Variants in DGKI observed in about 807,000 individuals in gnomAD.
DGKI encodes the protein DAG kinase iota.
DGKI carries 55 observed loss-of-function variants against 147.5 expected under a neutral mutation model. The ratio of observed to expected loss-of-function variants is 0.37; its 90% CI spans 0.30 to 0.47. The LOEUF (loss-of-function observed/expected upper bound fraction) is 0.47. DGKI is among the 20% of genes least tolerant of loss of function. The probability of loss-of-function intolerance (pLI) is 1.00; values close to 1 mark genes in which losing one functional copy is unlikely to be tolerated. For missense variants in DGKI, 1,007 were observed against 1,323.8 expected (o/e 0.76, Z 3.71); for synonymous variants, 469 against 477.1 (o/e 0.98, Z 0.22).
At chr7:137,500,115 C>A (rs945464113) in intron 21 of DGKI, among the ~76,000 whole-genome samples, 1 of 152,172 alleles carries the variant, frequency 6.6e-6, no homozygotes, top group Admixed American at 6.5e-5. Flanking sequence ...GTAATAGGAA[C>A]TACACTGTGG....
intron 19 of DGKI, among the ~76,000 whole-genome samples, chr7:137,567,161 G>A (rs1818614398): frequency 6.6e-6 from 1 of 151,590 alleles, no homozygotes. Flanking sequence ...CTACTTGGGG[G>A]GCTAAGGCAG....
intron 5 of DGKI, among the ~76,000 whole-genome samples, chr7:137,646,121 AAAC>A (rs964828542): frequency 1.3e-5 from 2 of 152,364 alleles, no homozygotes; most frequent in African/African-American, 4.8e-5. Flanking sequence ...GGAGAAGCTG[AAAC>A]AACAATATCC....
At chr7:137,473,318 G>A (rs573914145) in intron 23 of DGKI, among the ~76,000 whole-genome samples, 1 of 152,220 alleles carries the variant, frequency 6.6e-6, no homozygotes, top group Non-Finnish European at 1.5e-5. Flanking sequence ...TTTGTTTGGT[G>A]AAAACACATG....
intron 19 of DGKI, among the ~76,000 whole-genome samples, chr7:137,566,366 G>GA (rs1325848123): frequency 3.3e-5 from 5 of 149,712 alleles, no homozygotes; most frequent in East Asian, 2.0e-4. Flanking sequence ...CATCCTGAAT[G>GA]AAAAAAAAAT....
intron 7 of DGKI, among the ~76,000 whole-genome samples, chr7:137,622,081 G>A (rs932430429): frequency 6.6e-6 from 1 of 151,600 alleles, no homozygotes; most frequent in Non-Finnish European, 1.5e-5. Flanking sequence ...CTAACTGAAA[G>A]TAAATGAAAA....
At chr7:137,712,516 T>C (rs998214265) in intron 1 of DGKI, among the ~76,000 whole-genome samples, 1 of 152,172 alleles carries the variant, frequency 6.6e-6, no homozygotes. Flanking sequence ...AATAGAAAGA[T>C]ATGTAAGCCT....
chr7:137,404,239 A>C (rs1310223808), intron 30 of DGKI, among the ~76,000 whole-genome samples: 1 of 152,238 alleles, frequency 6.6e-6, no homozygotes, highest in Non-Finnish European at 1.5e-5. Flanking sequence ...TCAGCAACTA[A>C]AGATATTAAA....
chr7:137,596,619 T>C (rs1819807274), intron 12 of DGKI, among the ~76,000 whole-genome samples: 1 of 152,228 alleles, frequency 6.6e-6, no homozygotes, highest in Non-Finnish European at 1.5e-5. Context: ...GCTTCTTTGC[T>C]GTAAGACATT....
At chr7:137,683,965 G>C (rs575511398) in intron 2 of DGKI, among the ~76,000 whole-genome samples, 1 of 152,180 alleles carries the variant, frequency 6.6e-6, no homozygotes, top group Non-Finnish European at 1.5e-5. Flanking sequence ...GTGAGTGTTT[G>C]AGACTGAATA....
chr7:137,600,197 C>T (rs1319898092), intron 10 of DGKI, among the ~76,000 whole-genome samples: 2 of 151,282 alleles, frequency 1.3e-5, no homozygotes, highest in African/African-American at 4.9e-5. Context: ...TGCAGTGAGC[C>T]GAGATCACAC....
chr7:137,439,948 G>A (rs991384917), intron 28 of DGKI, among the ~76,000 whole-genome samples: 2 of 152,178 alleles, frequency 1.3e-5, no homozygotes, highest in East Asian at 1.9e-4. Context: ...TAAATGAACA[G>A]ACATTAGTTG....
At chr7:137,761,995 C>T (rs1795869445) in intron 1 of DGKI, among the ~76,000 whole-genome samples, 1 of 152,148 alleles carries the variant, frequency 6.6e-6, no homozygotes, top group African/African-American at 2.4e-5. Context: ...GTAATTAAAC[C>T]CACTTGGTTC....
At chr7:137,620,702 T>C (rs2128997540) in intron 7 of DGKI, among the ~76,000 whole-genome samples, 1 of 152,346 alleles carries the variant, frequency 6.6e-6, no homozygotes, top group Non-Finnish European at 1.5e-5. Context: ...ATTAGGGTCT[T>C]AACTGTATAC....
intron 28 of DGKI, among the ~76,000 whole-genome samples, chr7:137,440,176 G>A (rs1813443108): frequency 6.6e-6 from 1 of 152,216 alleles, no homozygotes; most frequent in South Asian, 2.1e-4. Context: ...AAATGCAGAG[G>A]ACAGTGCAAT....
chr7:137,683,018 A>T (rs939016676), intron 2 of DGKI, among the ~76,000 whole-genome samples: 3 of 152,092 alleles, frequency 2.0e-5, no homozygotes, highest in African/African-American at 7.2e-5. Context: ...CATTTACCCC[A>T]GCAAATGCAG....
At chr7:137,747,093 T>A (rs963691273) in intron 1 of DGKI, among the ~76,000 whole-genome samples, 21 of 152,092 alleles carry the variant, frequency 1.4e-4, no homozygotes, top group Admixed American at 5.9e-4. Context: ...TAGGTTTTTT[T>A]AAAAAAAGTG....
chr7:137,636,469 T>G (rs1251767232), intron 6 of DGKI, among the ~76,000 whole-genome samples: 4 of 152,136 alleles, frequency 2.6e-5, no homozygotes, highest in Non-Finnish European at 5.9e-5. Context: ...GTACTCTGAG[T>G]AGCACCAGGA....
chr7:137,577,027 C>G (rs1819005829), intron 17 of DGKI, among the ~76,000 whole-genome samples, 195 bp downstream of exon 17: 1 of 152,174 alleles, frequency 6.6e-6, no homozygotes, highest in Non-Finnish European at 1.5e-5. Flanking sequence ...CGAAACTAGT[C>G]TTTTCATTTA....
chr7:137,472,446 A>G (rs1176278945), intron 23 of DGKI, among the ~76,000 whole-genome samples: 1 of 122,724 alleles, frequency 8.1e-6, no homozygotes, highest in East Asian at 2.5e-4. Flanking sequence ...ATATACATAT[A>G]TAAACGTATA....
Sources: gnomAD v4.1 joint callset for allele counts (sites outside exome capture counted in the v4.1 genomes callset) on GRCh38, gnomAD v4.1.1 for gene constraint, MANE v1.5 for transcripts, NCBI Gene and HGNC (gene_info 2026-07-23, HGNC 2026-07-21) for gene names.